ARHGAP10: variants seen among roughly 807,000 people sequenced by gnomAD.
The protein encoded by ARHGAP10 is rho GTPase-activating protein 10.
In ARHGAP10, 87 loss-of-function variants were observed where a neutral mutation model predicts 108.6. That is an observed-to-expected ratio of 0.80 (90% CI 0.67 to 0.96). ARHGAP10 has a LOEUF of 0.96. ARHGAP10 is among the 40% of genes least tolerant of loss of function. The pLI is 0.00. For synonymous variants in ARHGAP10, 347 were observed against 341.1 expected, an observed-to-expected ratio of 1.02 and a Z score of -0.19; for missense variants, 939 against 954.5, an observed-to-expected ratio of 0.98 and a Z score of 0.21.
intron 16 of ARHGAP10, among the ~76,000 whole-genome samples, chr4:147,959,558 C>T (rs1738917697): frequency 6.6e-6 from 1 of 152,074 alleles, no homozygotes; most frequent in Non-Finnish European, 1.5e-5. Flanking sequence ...TGATGTTCCC[C>T]TTCCTGTGTC....
At chr4:147,914,711 C>T (rs1736892798) in intron 13 of ARHGAP10, among the ~76,000 whole-genome samples, 1 of 152,086 alleles carries the variant, frequency 6.6e-6, no homozygotes, top group Admixed American at 6.6e-5. Flanking sequence ...TGTTTATTGC[C>T]TGGTAGTATT....
At chr4:148,010,769 T>C (rs1741139580) in intron 18 of ARHGAP10, among the ~76,000 whole-genome samples, 1 of 152,222 alleles carries the variant, frequency 6.6e-6, no homozygotes, top group Non-Finnish European at 1.5e-5. Context: ...ACTATTGGGC[T>C]GAATCAGAAT....
At chr4:147,877,690 C>T (rs1375781085) in intron 8 of ARHGAP10, among the ~76,000 whole-genome samples, 1 of 152,122 alleles carries the variant, frequency 6.6e-6, no homozygotes, top group African/African-American at 2.4e-5. Context: ...CTCTGACATA[C>T]AGCATTGTCC....
Position 147,798,768 on chromosome 4 carries a change from T to C in ARHGAP10, c.155-23959T>C, listed in dbSNP as rs1458679668. The stretch of plus-strand genomic sequence containing the variant: ...CTCTCTCTCTCTCTCTCTCTCTCTC[T>C]CTCTCTCTCTCTCTATATATATATA... On this transcript the variant is annotated intron_variant, in intron 1 of 22. Coordinates refer to ENST00000336498, the MANE Select transcript of ARHGAP10 (RefSeq NM_024605.4). 2.5e-4 allele frequency among the ~76,000 whole-genome samples: 2 copies of C among 7,906 alleles called. 1 individual carries two copies. Among genetic ancestry groups the C allele is most frequent in the African/African-American group, 2.9e-4 (2 of 6,814 alleles). 5.2% of individuals were successfully genotyped at this position (7,906 alleles called of 152,430 possible).
At chr4:148,055,587 G>A (rs568023630) in intron 20 of ARHGAP10, among the ~76,000 whole-genome samples, 1 of 152,286 alleles carries the variant, frequency 6.6e-6, no homozygotes, top group Admixed American at 6.5e-5. Context: ...TACTCGGGAG[G>A]CGAAGCACGA....
chr4:148,025,515 G>A (rs911597762), intron 19 of ARHGAP10, among the ~76,000 whole-genome samples: 1 of 151,258 alleles, frequency 6.6e-6, no homozygotes, highest in South Asian at 2.1e-4. Context: ...AGTTTTAGTT[G>A]TGTGAAAAAA....
intron 18 of ARHGAP10, among the ~76,000 whole-genome samples, chr4:147,990,094 G>T (rs1740212335): frequency 6.6e-6 from 1 of 152,194 alleles, no homozygotes; most frequent in African/African-American, 2.4e-5. Context: ...TGAGGAGGAG[G>T]AAAGAAATTG....
chr4:147,936,348 G>A (rs1167223323), intron 13 of ARHGAP10, among the ~76,000 whole-genome samples: 8 of 113,042 alleles, frequency 7.1e-5, no homozygotes, highest in African/African-American at 2.6e-4. Flanking sequence ...TTGAGATGGA[G>A]TCTTGCTCTG....
At chr4:148,010,275 T>C (rs1741121806) in intron 18 of ARHGAP10, among the ~76,000 whole-genome samples, 1 of 152,218 alleles carries the variant, frequency 6.6e-6, no homozygotes, top group South Asian at 2.1e-4. Flanking sequence ...GACTGAGCTA[T>C]AGAGAAGTTA....
intron 1 of ARHGAP10, among the ~76,000 whole-genome samples, chr4:147,764,052 G>T (rs1729695639): frequency 6.6e-6 from 1 of 152,184 alleles, no homozygotes; most frequent in South Asian, 2.1e-4. Flanking sequence ...GAACCACCAT[G>T]CCTGGCCCAG....
At position 147,857,547 on chromosome 4, in the gene ARHGAP10, T is replaced by C; in HGVS notation, c.385-6T>C. The C allele has an allele frequency of 6.8e-7, 1 of 1,462,526 alleles. No homozygotes were observed. The highest frequency in any genetic ancestry group is 9.1e-7 in the Non-Finnish European group (1 of 1,104,430). 90.6% of individuals were successfully genotyped at this position (1,462,526 alleles called of 1,614,324 possible). ...TGTTTAATCATAGTTTTTTTTTTAT[T>C]TGTAGGAAGAAAAAAAGAAGTTTGA... is the stretch of plus-strand genomic sequence containing the variant. On this transcript the variant is annotated splice_region_variant and splice_polypyrimidine_tract_variant and intron_variant, in intron 4 of 22. Transcript: ENST00000336498.
At chr4:147,776,777 A>T (rs1239879231) in intron 1 of ARHGAP10, among the ~76,000 whole-genome samples, 1 of 152,186 alleles carries the variant, frequency 6.6e-6, no homozygotes, top group Non-Finnish European at 1.5e-5. Flanking sequence ...TTGGGAGCTT[A>T]GTGCACTGGG....
Position 147,947,931 on chromosome 4 carries a change from C to G in ARHGAP10, c.1391+1227C>G, listed in dbSNP as rs1017581935. ...CATCCTTCTTAATTCATTAATCTTC[C>G]TACCTGCCACTGTTTTTTTTTTTTT... On this transcript the variant is annotated intron_variant, in intron 15 of 22. Transcript: ENST00000336498. 2.1e-5 allele frequency among the ~76,000 whole-genome samples: 3 copies of G among 144,418 alleles called. No individual in the cohort carries two copies. In the Admixed American group the frequency reaches 2.2e-4, roughly 11 times the overall value. The allele number at this position is 144,418 out of a possible 152,430, so 94.7% of individuals were successfully genotyped here.
chr4:147,941,542 C>T (rs1420402802), intron 14 of ARHGAP10, among the ~76,000 whole-genome samples: 1 of 152,158 alleles, frequency 6.6e-6, no homozygotes, highest in Non-Finnish European at 1.5e-5. Flanking sequence ...GACACAACCT[C>T]ACACATATTG....
intron 20 of ARHGAP10, among the ~76,000 whole-genome samples, chr4:148,059,452 A>G (rs1460265663): frequency 1.3e-5 from 2 of 152,194 alleles, no homozygotes; most frequent in Non-Finnish European, 2.9e-5. Context: ...AGGGACAACA[A>G]GAAAAAAAGG....
intron 1 of ARHGAP10, among the ~76,000 whole-genome samples, chr4:147,812,260 A>G (rs1185450519): frequency 6.6e-6 from 1 of 152,158 alleles, no homozygotes. Context: ...ATCTCTTTGA[A>G]AAATGGGGTA....
At chr4:147,764,575 C>T (rs935438312) in intron 1 of ARHGAP10, among the ~76,000 whole-genome samples, 5 of 152,094 alleles carry the variant, frequency 3.3e-5, no homozygotes, top group African/African-American at 1.2e-4. Context: ...ACTCTGTTGC[C>T]AAGGGTGGAG....
At chr4:147,966,599 A>G in intron 17 of ARHGAP10, 81 bp from the exon 18 acceptor site, 1 of 1,306,348 alleles carries the variant, frequency 7.7e-7, no homozygotes, top group Non-Finnish European at 1.0e-6. Context: ...CTTTTAAGGA[A>G]ATACAGAGTT....
chr4:147,911,128 G>A (rs11725005), intron 12 of ARHGAP10, among the ~76,000 whole-genome samples: 143,414 of 152,104 alleles, frequency 0.94, 68,092 homozygotes, highest in Non-Finnish European at 1. Context: ...TAGAAAACAC[G>A]GTTTTGCTAA....
Sources: allele counts gnomAD v4.1 joint callset (sites outside exome capture counted in the v4.1 genomes callset), GRCh38; gene constraint gnomAD v4.1.1; transcripts MANE v1.5; gene names NCBI Gene and HGNC (gene_info 2026-07-23, HGNC 2026-07-21).